HMGXB4: variants seen among roughly 807,000 people sequenced by gnomAD.
HMGXB4 encodes HMG domain-containing protein 4.
In HMGXB4, 27 loss-of-function variants were observed where a neutral mutation model predicts 63.9. The ratio of observed to expected loss-of-function variants is 0.42; its 90% CI spans 0.31 to 0.58. The LOEUF (loss-of-function observed/expected upper bound fraction) is 0.58. Among genes scored for constraint, HMGXB4 ranks in the 20% least tolerant of loss-of-function variants. The pLI is 0.13. For synonymous variants in HMGXB4, 264 were observed against 265.3 expected, an observed-to-expected ratio of 0.99 and a Z score of 0.05; for missense variants, 624 against 700.7, an observed-to-expected ratio of 0.89 and a Z score of 1.24.
At chr22:35,289,773 T>C (rs1489303064) in intron 9 of HMGXB4, among the ~76,000 whole-genome samples, 1 of 152,234 alleles carries the variant, frequency 6.6e-6, no homozygotes, top group Admixed American at 6.5e-5. Context: ...TCGTGTTTCA[T>C]TTCTATTACC....
intron 7 of HMGXB4, 50 bp from the exon 8 acceptor site, chr22:35,287,297 T>C (rs761219886): frequency 1.4e-6 from 2 of 1,413,672 alleles, no homozygotes; most frequent in East Asian, 2.4e-5. Flanking sequence ...CTTTTCCTTT[T>C]ACATTTTGTC....
intron 5 of HMGXB4, among the ~76,000 whole-genome samples, chr22:35,278,475 C>A (rs1924039568): frequency 6.6e-6 from 1 of 152,134 alleles, no homozygotes; most frequent in Admixed American, 6.5e-5. Flanking sequence ...CCCATTCGTA[C>A]AAGGATCTTG....
chr22:35,268,935 T>C (rs1351913426), intron 5 of HMGXB4, among the ~76,000 whole-genome samples: 1 of 152,236 alleles, frequency 6.6e-6, no homozygotes, highest in East Asian at 1.9e-4. Flanking sequence ...TTCTAAGACA[T>C]TCTGTACACC....
At chr22:35,261,762 T>C (rs1356982193) in intron 1 of HMGXB4, 1 of 152,170 alleles carries the variant, frequency 6.6e-6, no homozygotes, top group South Asian at 2.1e-4. Flanking sequence ...TTTGAACAAA[T>C]TCATGTCGCC....
At chr22:35,280,994 T>G (rs1391163144) in intron 5 of HMGXB4, among the ~76,000 whole-genome samples, 1 of 152,234 alleles carries the variant, frequency 6.6e-6, no homozygotes, top group Admixed American at 6.5e-5. Context: ...ACTGCCTCAT[T>G]TGTTAGATTC....
At chr22:35,256,297 G>T (rs1922399897), upstream of HMGXB4, among the ~76,000 whole-genome samples, 1 of 152,070 alleles carries the variant, frequency 6.6e-6, no homozygotes, top group Non-Finnish European at 1.5e-5. Context: ...ATGGGGCCTG[G>T]GCCCTAGGAA....
chr22:35,265,168 A>C lies in HMGXB4; in HGVS notation c.780A>C (p.Ser260=), dbSNP rs370732199. ...KKHKSSSDAH[S]SPGPEGCGSD... ...ACAAGTCATCCTCAGACGCACATTC[A>C]TCTCCTGGCCCTGAAGGCTGTGGGT... Residue 260 remains serine (S), a synonymous_variant, in exon 5 of 11, where the codon TCA becomes TCC. Coordinates refer to ENST00000216106, the MANE Select transcript of HMGXB4 (RefSeq NM_001003681.3). The C allele has an allele frequency of 8.1e-6, 13 of 1,614,014 alleles. No individual in the cohort carries two copies. Among genetic ancestry groups the C allele is most frequent in the African/African-American group, 6.7e-5 (5 of 74,922 alleles).
rs963380707 is a variant in HMGXB4 at position 35,264,804 on chromosome 22, G to A, written c.416G>A (p.Ser139Asn). The A allele has an allele frequency of 1.2e-6, 2 of 1,614,052 alleles. No individual in the cohort carries two copies. The highest frequency in any genetic ancestry group is 1.7e-5 in the Admixed American group (1 of 60,004). ...KTGEKSSGSS[S>N]HSESKKEHHR... is the part of the protein sequence containing the mutation. ...GGGGAGAAATCCTCTGGCTCTTCAA[G>A]CCATTCGGAGAGTAAAAAGGAGCAC... The change falls in exon 5 of 11, where the codon AGC (serine) becomes AAC (asparagine). Residue 139 changes from serine to asparagine, a missense_variant. Transcript: ENST00000216106.
intron 5 of HMGXB4, 84 bp from the exon 6 acceptor site, chr22:35,283,875 CCTT>C (rs908329144): frequency 1.3e-5 from 12 of 907,166 alleles, no homozygotes; most frequent in Non-Finnish European, 2.2e-5. Context: ...GTTTAGGTAT[CCTT>C]CTATTTTATT....
At chr22:35,290,514 G>A (rs577944349) in intron 9 of HMGXB4, among the ~76,000 whole-genome samples, 1 of 151,790 alleles carries the variant, frequency 6.6e-6, no homozygotes, top group South Asian at 2.1e-4. Flanking sequence ...GCGTGGTGGC[G>A]GGCGCCTGTG....
upstream of HMGXB4, among the ~76,000 whole-genome samples, chr22:35,256,566 C>A (rs1922415628): frequency 6.6e-6 from 1 of 152,162 alleles, no homozygotes; most frequent in African/African-American, 2.4e-5. Context: ...GTGGCGCAAT[C>A]TCGGCTCACT....
chr22:35,258,755 TC>T (rs1922635081), intron 1 of HMGXB4, among the ~76,000 whole-genome samples: 2 of 152,220 alleles, frequency 1.3e-5, no homozygotes, highest in African/African-American at 4.8e-5. Flanking sequence ...ATGTGCATCT[TC>T]CTTTACCTGC....
At chr22:35,274,137 G>C (rs1003740717) in intron 5 of HMGXB4, among the ~76,000 whole-genome samples, 1 of 152,222 alleles carries the variant, frequency 6.6e-6, no homozygotes, top group African/African-American at 2.4e-5. Flanking sequence ...CTTCAGCAGA[G>C]GCATGGGCGC....
At chr22:35,253,815 G>A (rs1020581516), upstream of HMGXB4, among the ~76,000 whole-genome samples, 1 of 152,102 alleles carries the variant, frequency 6.6e-6, no homozygotes, top group East Asian at 1.9e-4. Flanking sequence ...CTTCTCTCTG[G>A]CTCTGAGTAG....
At chr22:35,272,192 A>G (rs1303514134) in intron 5 of HMGXB4, among the ~76,000 whole-genome samples, 1 of 152,202 alleles carries the variant, frequency 6.6e-6, no homozygotes, top group African/African-American at 2.4e-5. Context: ...GAGGAGAAAC[A>G]CAGAAGGGAG....
intron 1 of HMGXB4, among the ~76,000 whole-genome samples, chr22:35,260,755 A>C (rs1568994004): frequency 6.6e-6 from 1 of 152,208 alleles, no homozygotes; most frequent in Non-Finnish European, 1.5e-5. Context: ...TAATCTAATA[A>C]ATCATTCTTG....
In HMGXB4 at chr22:35,263,831, C is replaced by CAAG; in HGVS notation, c.224_226dup (p.Lys75dup). 6.2e-7 allele frequency: 1 copy of CAAG among 1,613,488 alleles called. No homozygotes were observed. The highest frequency in any genetic ancestry group is 1.3e-5 in the African/African-American group (1 of 75,012). On this transcript the variant is annotated inframe_insertion, in exon 4 of 11. Transcript: ENST00000216106. Reference sequence around the variant, plus strand: ...TTTACTTCTTGGGGACGGACACACACAAGAAGAAGAGGAAGCACTCCTCTG... The same window carrying CAAG: ...TTTACTTCTTGGGGACGGACACACACAAGAAGAAGAAGAGGAAGCACTCCTCTG...
intron 2 of HMGXB4, 51 bp downstream of exon 2, chr22:35,262,472 C>T: frequency 6.4e-7 from 1 of 1,552,762 alleles, no homozygotes; most frequent in Non-Finnish European, 8.9e-7. Flanking sequence ...CCTCTTCAAT[C>T]CTTGCAGCCC....
intron 5 of HMGXB4, among the ~76,000 whole-genome samples, chr22:35,279,537 T>G (rs1417175600): frequency 1.3e-5 from 2 of 152,168 alleles, no homozygotes; most frequent in East Asian, 3.9e-4. Flanking sequence ...CTTTGGTTTC[T>G]GTTTCTGAAA....
Sources: gnomAD v4.1 joint callset for allele counts (sites outside exome capture counted in the v4.1 genomes callset) on GRCh38, gnomAD v4.1.1 for gene constraint, MANE v1.5 for transcripts, NCBI Gene and HGNC (gene_info 2026-07-23, HGNC 2026-07-21) for gene names.